TLN2: variants seen among roughly 807,000 people sequenced by gnomAD.
TLN2 encodes the protein talin-2.
A neutral mutation model predicts 294.7 loss-of-function variants in TLN2; 118 were observed. The ratio of observed to expected loss-of-function variants is 0.40; its 90% CI spans 0.34 to 0.47. The LOEUF (loss-of-function observed/expected upper bound fraction) is 0.47. Ranked by LOEUF, TLN2 falls within the 20% of genes least tolerant of loss-of-function variation. TLN2 has a pLI of 0.84. For synonymous variants in TLN2, 1,431 were observed against 1,304.5 expected, an observed-to-expected ratio of 1.10 and a Z score of -2.09; for missense variants, 3,083 against 3,282.2, an observed-to-expected ratio of 0.94 and a Z score of 1.48.
At chr15:62,801,520 A>G (rs1165704459) in intron 50 of TLN2, among the ~76,000 whole-genome samples, 1 of 152,164 alleles carries the variant, frequency 6.6e-6, no homozygotes, top group Admixed American at 6.5e-5. Context: ...TTTGCTGCCA[A>G]TTGTTCTGCA....
chr15:62,597,603 G>A (rs2046640337), intron 2 of TLN2, among the ~76,000 whole-genome samples: 1 of 152,168 alleles, frequency 6.6e-6, no homozygotes. Context: ...ACACTGCACA[G>A]GGCTCAGCAA....
chr15:62,420,000 A>G (rs2034302331), intron 1 of TLN2, among the ~76,000 whole-genome samples: 2 of 152,216 alleles, frequency 1.3e-5, no homozygotes, highest in African/African-American at 4.8e-5. Context: ...GGCTTCTGCC[A>G]GGGCTCTTTG....
At position 62,843,244 on chromosome 15, in the gene TLN2, A is replaced by G. The variant is rs1392208706; in HGVS notation, c.*2634A>G. Reference sequence around the variant, plus strand: ...TCGAGGGCTTTGAATCCTTGGGCTGATTTTTGTGCCAGAAATTGCTGTTCC... The same window carrying G: ...TCGAGGGCTTTGAATCCTTGGGCTGGTTTTTGTGCCAGAAATTGCTGTTCC... On this transcript the variant is annotated 3_prime_UTR_variant, in exon 59 of 59. Transcript: ENST00000636159. The G allele has an allele frequency of 2.0e-5, 3 of 152,218 alleles. No homozygotes were observed. The highest frequency in any genetic ancestry group is 7.2e-5 in the African/African-American group (3 of 41,442). The allele number at this position is 152,218 out of a possible 1,614,324, so 9.4% of individuals were successfully genotyped here.
chr15:62,833,902 C>A (rs760487052), intron 55 of TLN2: 3 of 355,440 alleles, frequency 8.4e-6, no homozygotes, highest in African/African-American at 6.2e-5. Flanking sequence ...ATTTATATTC[C>A]CACTGTACAT....
At chr15:62,553,285 GA>G (rs2042425033) in intron 1 of TLN2, among the ~76,000 whole-genome samples, 2 of 152,270 alleles carry the variant, frequency 1.3e-5, no homozygotes, top group South Asian at 4.1e-4. Context: ...CATCTGTCAG[GA>G]GTTCGAGACC....
chr15:62,621,566 T>C (rs1234542825), intron 3 of TLN2, among the ~76,000 whole-genome samples: 1 of 152,220 alleles, frequency 6.6e-6, no homozygotes, highest in Non-Finnish European at 1.5e-5. Flanking sequence ...GTTCAGGTCC[T>C]CATGCTGTGA....
chr15:62,650,724 C>T (rs927532009), intron 5 of TLN2, among the ~76,000 whole-genome samples: 6 of 151,960 alleles, frequency 3.9e-5, no homozygotes, highest in African/African-American at 1.2e-4. Flanking sequence ...TCCAAGATAC[C>T]GGGTTTTGGT....
At chr15:62,614,790 T>G (rs979435052) in intron 2 of TLN2, among the ~76,000 whole-genome samples, 2 of 152,228 alleles carry the variant, frequency 1.3e-5, no homozygotes, top group African/African-American at 4.8e-5. Flanking sequence ...CTCCACCATC[T>G]TTCTGTCCCA....
At chr15:62,466,396 CG>C (rs2037137844) in intron 1 of TLN2, among the ~76,000 whole-genome samples, 1 of 152,126 alleles carries the variant, frequency 6.6e-6, no homozygotes, top group Admixed American at 6.5e-5. Flanking sequence ...CTTTGTTGTG[CG>C]GGGCTGGCCT....
intron 3 of TLN2, among the ~76,000 whole-genome samples, chr15:62,643,500 A>G (rs910080906): frequency 1.6e-4 from 24 of 149,224 alleles, no homozygotes; most frequent in Admixed American, 7.4e-4. Context: ...ATAAAAAAAA[A>G]GTTGAGGCCA....
chr15:62,659,179 C>G (rs1262928840), intron 9 of TLN2, among the ~76,000 whole-genome samples: 1 of 152,144 alleles, frequency 6.6e-6, no homozygotes, highest in Non-Finnish European at 1.5e-5. Context: ...GTTCTCAGGA[C>G]TCCCTGTGAA....
chr15:62,606,676 G>C (rs78724036), intron 2 of TLN2, among the ~76,000 whole-genome samples: 145 of 152,278 alleles, frequency 9.5e-4, no homozygotes, highest in African/African-American at 3.3e-3. Flanking sequence ...ATCTGGATAA[G>C]TACAGTCATT....
intron 19 of TLN2, among the ~76,000 whole-genome samples, chr15:62,703,602 G>A (rs1158457475): frequency 3.1e-5 from 4 of 127,650 alleles, no homozygotes; most frequent in East Asian, 3.2e-4. Context: ...TGTTTACTTC[G>A]ACACACACAC....
rs71131119 is a variant in TLN2 at position 62,689,877 on chromosome 15, T to TTTTTTTTTTTTTTTTTTTTTTTTTA, written c.1114-2963_1114-2962insTTTTTTTTTTTTTTTTTTTTTTTTA. Among the ~76,000 whole-genome samples the TTTTTTTTTTTTTTTTTTTTTTTTTA allele has an allele frequency of 1.6e-3, 16 of 9,848 alleles. 8 individuals are homozygous for TTTTTTTTTTTTTTTTTTTTTTTTTA. The highest frequency in any genetic ancestry group is 4.7e-3 in the Non-Finnish European group (16 of 3,428). 6.5% of individuals were successfully genotyped at this position (9,848 alleles called of 152,430 possible). A position where few individuals can be genotyped will look rare whatever the true frequency, so the allele number is the denominator to read the frequency against. On this transcript the variant is annotated intron_variant, in intron 12 of 58. Transcript: ENST00000636159. The stretch of plus-strand genomic sequence containing the variant: ...TTTTTTTTTTTTTTTTTTTTTTTTT[T>TTTTTTTTTTTTTTTTTTTTTTTTTA]ATTGGCTGACCCCCCTTCCTCCCTC...
intron 11 of TLN2, among the ~76,000 whole-genome samples, chr15:62,681,492 A>G (rs1391186937): frequency 1.3e-5 from 2 of 152,168 alleles, no homozygotes; most frequent in Non-Finnish European, 2.9e-5. Context: ...ATTTTCTTTT[A>G]TGTCTATGAA....
intron 1 of TLN2, among the ~76,000 whole-genome samples, chr15:62,511,281 A>C (rs757271041): frequency 1.1e-4 from 17 of 152,208 alleles, no homozygotes; most frequent in Non-Finnish European, 2.1e-4. Flanking sequence ...AATGTTTCTA[A>C]GTTGAAGAGC....
chr15:62,587,807 A>T (rs548457818), intron 1 of TLN2, among the ~76,000 whole-genome samples: 2 of 152,324 alleles, frequency 1.3e-5, no homozygotes, highest in South Asian at 2.1e-4. Flanking sequence ...AAGTGCCTAT[A>T]ACATTGGTTA....
intron 1 of TLN2, among the ~76,000 whole-genome samples, chr15:62,494,968 G>T (rs1193643183): frequency 6.6e-6 from 1 of 152,150 alleles, no homozygotes; most frequent in South Asian, 2.1e-4. Flanking sequence ...TTCTGTTACT[G>T]AGAAGGCAAT....
intron 25 of TLN2, among the ~76,000 whole-genome samples, chr15:62,720,812 TTG>T (rs1278297778): frequency 2.0e-5 from 3 of 152,138 alleles, no homozygotes; most frequent in Non-Finnish European, 4.4e-5. Context: ...TCTCTCATTA[TTG>T]GACGTACAGG....
Sources: allele counts gnomAD v4.1 joint callset (sites outside exome capture counted in the v4.1 genomes callset), GRCh38; gene constraint gnomAD v4.1.1; transcripts MANE v1.5; gene names NCBI Gene and HGNC (gene_info 2026-07-23, HGNC 2026-07-21).